The following NKAIN2 variants were observed in gnomAD, a reference collection of about 807,000 sequenced individuals.
NKAIN2 encodes sodium/potassium transporting ATPase interacting 2.
Under a neutral mutation model 32.6 loss-of-function variants are expected in NKAIN2, and 14 were observed. The observed-to-expected ratio is 0.43, with a 90% CI of 0.28 to 0.67. The LOEUF (loss-of-function observed/expected upper bound fraction) is 0.67. NKAIN2 is among the 30% of genes least tolerant of loss of function. The pLI is 0.17. For synonymous variants in NKAIN2, 80 were observed against 87.2 expected, an observed-to-expected ratio of 0.92 and a Z score of 0.46; for missense variants, 198 against 258.3, an observed-to-expected ratio of 0.77 and a Z score of 1.60.
At chr6:124,126,859 G>A (rs1786194185) in intron 1 of NKAIN2, among the ~76,000 whole-genome samples, 1 of 152,148 alleles carries the variant, frequency 6.6e-6, no homozygotes, top group East Asian at 1.9e-4. Flanking sequence ...GGGGACTAAA[G>A]CGAGAAGACT....
intron 5 of NKAIN2, among the ~76,000 whole-genome samples, chr6:124,815,225 C>CACATAT (rs376199421): frequency 3.6e-5 from 5 of 136,998 alleles, no homozygotes; most frequent in Non-Finnish European, 7.8e-5. Flanking sequence ...TATATATATA[C>CACATAT]ATATATATAT....
chr6:124,179,813 C>T (rs1443546492), intron 1 of NKAIN2, among the ~76,000 whole-genome samples: 1 of 152,196 alleles, frequency 6.6e-6, no homozygotes, highest in South Asian at 2.1e-4. Context: ...CAAAGTACTC[C>T]TTGATTGCAA....
At chr6:124,073,079 A>G (rs1247171514) in intron 1 of NKAIN2, among the ~76,000 whole-genome samples, 1 of 152,210 alleles carries the variant, frequency 6.6e-6, no homozygotes, top group African/African-American at 2.4e-5. Context: ...CAGGGTTGTG[A>G]AGAAGTAGAA....
chr6:124,709,465 G>C (rs1028051270), intron 4 of NKAIN2, among the ~76,000 whole-genome samples: 220 of 151,724 alleles, frequency 1.4e-3, no homozygotes, highest in African/African-American at 4.9e-3. Context: ...AATCCATCTG[G>C]TCCTGGACTC....
At chr6:124,076,987 C>T (rs1783724099) in intron 1 of NKAIN2, among the ~76,000 whole-genome samples, 2 of 151,976 alleles carry the variant, frequency 1.3e-5, no homozygotes, top group Non-Finnish European at 2.9e-5. Flanking sequence ...TGAATAGGCA[C>T]TTTATAACTA....
intron 1 of NKAIN2, among the ~76,000 whole-genome samples, chr6:123,999,410 G>A (rs1188255639): frequency 6.6e-6 from 1 of 152,104 alleles, no homozygotes; most frequent in African/African-American, 2.4e-5. Flanking sequence ...AATCCACAGA[G>A]CTTTCACTTG....
chr6:124,402,028 A>T (rs1773646605), intron 3 of NKAIN2, among the ~76,000 whole-genome samples: 1 of 152,162 alleles, frequency 6.6e-6, no homozygotes, highest in African/African-American at 2.4e-5. Flanking sequence ...ACTATCTTAC[A>T]AATCTTTCCA....
chr6:124,239,503 C>T (rs1325488338), intron 1 of NKAIN2, among the ~76,000 whole-genome samples: 2 of 152,154 alleles, frequency 1.3e-5, no homozygotes, highest in Non-Finnish European at 2.9e-5. Context: ...AAGTAAAACA[C>T]TCTTCAGCAA....
At chr6:124,676,937 T>G (rs1773386915) in intron 4 of NKAIN2, among the ~76,000 whole-genome samples, 1 of 152,130 alleles carries the variant, frequency 6.6e-6, no homozygotes, top group African/African-American at 2.4e-5. Context: ...AGCATTAAAT[T>G]GGATCTTGTG....
At chr6:124,739,520 GATC>G (rs1475706069) in intron 4 of NKAIN2, among the ~76,000 whole-genome samples, 1 of 151,896 alleles carries the variant, frequency 6.6e-6, no homozygotes. Context: ...TCCACAGTGT[GATC>G]ATCAAGAGAT....
chr6:123,910,609 T>C (rs1032523626), intron 1 of NKAIN2, among the ~76,000 whole-genome samples: 1 of 143,904 alleles, frequency 6.9e-6, no homozygotes, highest in African/African-American at 2.5e-5. Context: ...GTTCAAGCAA[T>C]TCTCCTGCCT....
At chr6:124,391,468 T>C (rs1443180898) in intron 3 of NKAIN2, among the ~76,000 whole-genome samples, 1 of 152,082 alleles carries the variant, frequency 6.6e-6, no homozygotes, top group Non-Finnish European at 1.5e-5. Flanking sequence ...AATAAATATT[T>C]GTTCAGTGAA....
chr6:124,715,295 G>T (rs1741962693), intron 4 of NKAIN2, among the ~76,000 whole-genome samples: 1 of 152,136 alleles, frequency 6.6e-6, no homozygotes, highest in Admixed American at 6.5e-5. Context: ...TCCCAAACAT[G>T]ATGCTTGACC....
intron 3 of NKAIN2, among the ~76,000 whole-genome samples, chr6:124,358,030 G>A (rs1799073981): frequency 1.3e-5 from 2 of 152,082 alleles, no homozygotes; most frequent in Admixed American, 6.6e-5. Context: ...GCGGTGTTTG[G>A]TTTTTTGTCC....
chr6:124,808,455 A>C (rs1688265781), intron 5 of NKAIN2, among the ~76,000 whole-genome samples: 1 of 152,204 alleles, frequency 6.6e-6, no homozygotes, highest in Admixed American at 6.5e-5. Flanking sequence ...AAAAACTCTC[A>C]ATAAGTTAGG....
intron 3 of NKAIN2, among the ~76,000 whole-genome samples, chr6:124,635,489 G>C (rs577538748): frequency 5.9e-4 from 90 of 152,100 alleles, no homozygotes; most frequent in Admixed American, 3.9e-3. Context: ...AACCTTGACT[G>C]TAAACAGTTT....
chr6:124,311,029 G>C (rs554182490), intron 2 of NKAIN2, among the ~76,000 whole-genome samples: 1 of 152,062 alleles, frequency 6.6e-6, no homozygotes, highest in African/African-American at 2.4e-5. Flanking sequence ...ATTTCCTTCC[G>C]TAAGTAAAAT....
At chr6:124,494,283 C>T (rs558518474) in intron 3 of NKAIN2, among the ~76,000 whole-genome samples, 26 of 152,096 alleles carry the variant, frequency 1.7e-4, no homozygotes, top group African/African-American at 5.3e-4. Context: ...TGCTGTTGAA[C>T]GAATAATTCA....
At chr6:123,908,774 A>G (rs1775016200) in intron 1 of NKAIN2, among the ~76,000 whole-genome samples, 1 of 152,170 alleles carries the variant, frequency 6.6e-6, no homozygotes, top group Non-Finnish European at 1.5e-5. Context: ...TACTTTTTGG[A>G]AAAAATAATC....
Sources: gnomAD v4.1 joint callset for allele counts (sites outside exome capture counted in the v4.1 genomes callset) on GRCh38, gnomAD v4.1.1 for gene constraint, MANE v1.5 for transcripts, NCBI Gene and HGNC (gene_info 2026-07-23, HGNC 2026-07-21) for gene names.